Variants in LAMA5 observed in about 807,000 individuals in gnomAD.
LAMA5 encodes the protein laminin subunit alpha 5, also known as laminin subunit alpha-5.
Under a neutral mutation model 433.4 loss-of-function variants are expected in LAMA5, and 260 were observed. The observed-to-expected ratio is 0.60, with a 90% CI of 0.54 to 0.66. The LOEUF is 0.66. LAMA5 is among the 30% of genes least tolerant of loss of function. The pLI is 0.00. For missense variants in LAMA5, 5,378 were observed against 5,258.5 expected (o/e 1.02, Z -0.70); for synonymous variants, 2,620 against 2,226.6 (o/e 1.18, Z -4.97).
At chr20:62,340,292 A>G (rs140211244) in intron 11 of LAMA5, among the ~76,000 whole-genome samples, 143 of 148,694 alleles carry the variant, frequency 9.6e-4, no homozygotes, top group African/African-American at 3.3e-3. Context: ...AGCATAATGA[A>G]CAAGCCTCCT....
chr20:62,364,814 A>T (rs1360685580), intron 1 of LAMA5, among the ~76,000 whole-genome samples: 1 of 152,208 alleles, frequency 6.6e-6, no homozygotes, highest in Non-Finnish European at 1.5e-5. Context: ...TCTCCTACAG[A>T]GGGTCCCTGA....
In LAMA5 at chr20:62,338,085, G is replaced by T. The variant is rs749391731; in HGVS notation, c.1822C>A (p.Gln608Lys). ...GCDEAGRCLCQPEFAGPHCDR... is the reference protein window; with the variant it reads ...GCDEAGRCLCKPEFAGPHCDR... ...CAATGAGGTCCAGCAAACTCAGGCTGGCATAGGCAGCGGCCGGCCTCATCG... is the reference window on the plus strand; with the variant it reads ...CAATGAGGTCCAGCAAACTCAGGCTTGCATAGGCAGCGGCCGGCCTCATCG... Residue 608 changes from glutamine (Q) to lysine (K), a missense_variant, in exon 14 of 80, where the codon CAG becomes AAG. Gln to Lys is a moderately conservative substitution (Grantham distance 53). Coordinates refer to ENST00000252999, the MANE Select transcript of LAMA5 (RefSeq NM_005560.6). The T allele has an allele frequency of 3.1e-6, 5 of 1,604,536 alleles. No homozygotes were observed. Among genetic ancestry groups the T allele is most frequent in the Non-Finnish European group, 4.3e-6 (5 of 1,175,250 alleles).
chr20:62,361,062 G>A (rs903302093), intron 2 of LAMA5, among the ~76,000 whole-genome samples: 8 of 152,240 alleles, frequency 5.3e-5, no homozygotes, highest in African/African-American at 1.9e-4. Flanking sequence ...GAGGAGAGGC[G>A]GGAAGAACTC....
intron 34 of LAMA5, 61 bp downstream of exon 34, chr20:62,328,783 T>C (rs1979786154): frequency 6.6e-7 from 1 of 1,508,824 alleles, no homozygotes; most frequent in African/African-American, 1.4e-5. Context: ...GGTCGACCCG[T>C]CCACCTTGGG....
chr20:62,309,610 A>AG lies in LAMA5; in HGVS notation c.10948+105dup, dbSNP rs1433788640. 33 of 336,978 alleles carry AG rather than the reference A, an allele frequency of 9.8e-5. 2 individuals are homozygous for AG. In the Admixed American group the frequency reaches 1.3e-3, roughly 13 times the overall value. 20.9% of individuals were successfully genotyped at this position (336,978 alleles called of 1,614,324 possible). ...AGGAGGGTGGTAGGGGGGTGGGAGGAGGGTGGGAGGGGGCAGGGGGTGGAG... is the reference window on the plus strand; with the variant it reads ...AGGAGGGTGGTAGGGGGGTGGGAGGAGGGGTGGGAGGGGGCAGGGGGTGGAG... On this transcript the variant is annotated intron_variant, in intron 79 of 79. Transcript: ENST00000252999.
chr20:62,351,591 G>T (rs1020502056), intron 6 of LAMA5, 113 bp downstream of exon 6: 4 of 931,694 alleles, frequency 4.3e-6, no homozygotes, highest in South Asian at 1.4e-5. Context: ...GCAGGGTTGT[G>T]GTGGGCCATG....
chr20:62,366,277 G>A (rs1000174947), intron 1 of LAMA5, among the ~76,000 whole-genome samples: 2 of 152,198 alleles, frequency 1.3e-5, no homozygotes, highest in Non-Finnish European at 2.9e-5. Context: ...CCCGCCTACA[G>A]GTTTAAGGCT....
chr20:62,324,036 G>C lies in LAMA5; in HGVS notation c.5768+44C>G. On this transcript the variant is annotated intron_variant, in intron 43 of 79. Transcript: ENST00000252999. The surrounding 1 kb of genome is among the most constrained non-coding windows in gnomAD (Gnocchi z 4.4). Reference sequence around the variant, plus strand: ...CCCACCCCGCTGCTGGGTGAAGGGAGCCTGGCACCATCAGGGCCTCGTCCC... The same window carrying C: ...CCCACCCCGCTGCTGGGTGAAGGGACCCTGGCACCATCAGGGCCTCGTCCC... 6.8e-7 allele frequency: 1 copy of C among 1,473,952 alleles called. No homozygotes were observed. The highest frequency in any genetic ancestry group is 9.0e-7 in the Non-Finnish European group (1 of 1,113,760). 91.3% of individuals were successfully genotyped at this position (1,473,952 alleles called of 1,614,324 possible).
intron 2 of LAMA5, among the ~76,000 whole-genome samples, chr20:62,358,278 G>T (rs371633355): frequency 6.6e-6 from 1 of 152,148 alleles, no homozygotes; most frequent in African/African-American, 2.4e-5. Context: ...GGGTTTTGCC[G>T]TCTATCCTGT....
Position 62,312,755 on chromosome 20 carries a change from C to G in LAMA5, c.9104G>C (p.Ser3035Thr), listed in dbSNP as rs1986452791. ...CACACGCACCAGCACACGCTTGCGG[C>G]TGCCCCCCAGCAGGAACACCTGGAT... The part of the protein sequence containing the change: ...KAIQVFLLGG[S>T]RKRVLVRVER... Residue 3035 changes from serine to threonine, a missense_variant, in exon 67 of 80, where the codon AGC becomes ACC. Coordinates refer to ENST00000252999, the MANE Select transcript of LAMA5 (RefSeq NM_005560.6). The G allele has an allele frequency of 1.3e-6, 2 of 1,590,032 alleles. No homozygotes were observed. The highest frequency in any genetic ancestry group is 1.7e-6 in the Non-Finnish European group (2 of 1,170,194).
Position 62,334,197 on chromosome 20 carries a change from C to G in LAMA5, c.2728G>C (p.Ala910Pro), listed in dbSNP as rs767712282. 1.9e-6 allele frequency: 3 copies of G among 1,612,568 alleles called. No individual in the cohort carries two copies. Among genetic ancestry groups the G allele is most frequent in the Admixed American group, 3.3e-5 (2 of 60,000 alleles). The part of the protein sequence containing the change: ...NFSWRGYAQM[A>P]PVQPRIVARL... ...AGCACAGCGCCCACCTGGACAGGTGCCATCTGCGCGTAGCCCCTCCAGCTG... is the reference window on the plus strand; with the variant it reads ...AGCACAGCGCCCACCTGGACAGGTGGCATCTGCGCGTAGCCCCTCCAGCTG... The change falls in exon 22 of 80, where the codon GCA becomes CCA. Residue 910 changes from alanine to proline, a missense_variant. By Grantham distance (27) the Ala-to-Pro change is conservative. Transcript: ENST00000252999.
rs535206906 is a variant in LAMA5, at chr20:62,322,359, C to T, written c.6256G>A (p.Gly2086Arg). Residue 2086 changes from glycine to arginine, a missense_variant, in exon 47 of 80, where the codon GGA becomes AGA. Coordinates refer to ENST00000252999, the MANE Select transcript of LAMA5 (RefSeq NM_005560.6). ...AEGSECHPQS[G>R]QCHCRPGTMG... is the part of the protein sequence containing the mutation. ...GTCCCTGGTCGGCAGTGGCACTGTCCGCTCTGGGGGTGGCACTCGGAGCCC... is the reference window on the plus strand; with the variant it reads ...GTCCCTGGTCGGCAGTGGCACTGTCTGCTCTGGGGGTGGCACTCGGAGCCC... The T allele has an allele frequency of 3.7e-5, 59 of 1,593,346 alleles. 1 individual carries two copies. In the Middle Eastern group the frequency reaches 5.0e-4, roughly 13 times the overall value.
At position 62,334,539 on chromosome 20, in the gene LAMA5, C is replaced by G; in HGVS notation, c.2565G>C (p.Gln855His). ...TGVCRCRPNT[Q>H]GPTCSEPARD... ...GTACCCACTCGCTGCAGGTGGGGCC[C>G]TGGGTGTTGGGGCGGCACCGGCAGA... Residue 855 changes from glutamine (Q) to histidine (H), a missense_variant, in exon 21 of 80, where the codon CAG becomes CAC. Physicochemically the swap from Gln to His is conservative, Grantham distance 24. Transcript: ENST00000252999. The G allele has an allele frequency of 1.3e-6, 2 of 1,548,670 alleles. No homozygotes were observed. Among genetic ancestry groups the G allele is most frequent in the South Asian group, 2.4e-5 (2 of 84,006 alleles).
chr20:62,330,199 C>T (rs1980098118), intron 31 of LAMA5, among the ~76,000 whole-genome samples: 1 of 152,278 alleles, frequency 6.6e-6, no homozygotes, highest in Non-Finnish European at 1.5e-5. Flanking sequence ...CACACAGGGC[C>T]ACATGTGCTG....
intron 2 of LAMA5, among the ~76,000 whole-genome samples, chr20:62,360,634 A>ATGGGTGGGTGGAGGAATAGATGGG (rs1986008107): frequency 1.9e-4 from 1 of 5,302 alleles, no homozygotes; most frequent in Non-Finnish European, 4.5e-4. Context: ...GGAGGGATAG[A>ATGGGTGGGTGGAGGAATAGATGGG]TGGGTGGGTG....
Position 62,318,910 on chromosome 20 carries a change from C to A in LAMA5, c.6975G>T (p.Glu2325Asp). 6.2e-7 allele frequency: 1 copy of A among 1,604,642 alleles called. No homozygotes were observed. Among genetic ancestry groups the A allele is most frequent in the Non-Finnish European group, 8.5e-7 (1 of 1,177,750 alleles). Residue 2325 changes from glutamate (E) to aspartate (D), a missense_variant, in exon 52 of 80, where the codon GAG becomes GAT. Transcript: ENST00000252999. ...GGGCCCCCAGGTCCCGGGCCCGCAT[C>A]TCCCAGAGCAGCCGCTCCACCTCGG... ...TLAEVERLLWEMRARDLGAPQ... is the reference protein window; with the variant it reads ...TLAEVERLLWDMRARDLGAPQ...
At position 62,317,643 on chromosome 20, in the gene LAMA5, G is replaced by C. The variant is rs762280380; in HGVS notation, c.7356+19C>G. 4 of 1,542,084 alleles carry C rather than the reference G, an allele frequency of 2.6e-6. No individual in the cohort carries two copies. In the South Asian group the frequency reaches 4.8e-5, roughly 19 times the overall value. ...TGGCCGTGGATGGGGTGGCGACAGG[G>C]GCCAGGGGCTGCACTCACCTCCTTA... On this transcript the variant is annotated intron_variant, in intron 54 of 79. Transcript: ENST00000252999.
chr20:62,338,274 C>A lies in LAMA5; in HGVS notation c.1714G>T (p.Asp572Tyr). Reference sequence around the variant, plus strand: ...TGAAAGTAGCCGGGGGCACAGCGATCACATGTGGCCCCCTCGAAGCCCACT... The same window carrying A: ...TGAAAGTAGCCGGGGGCACAGCGATAACATGTGGCCCCCTCGAAGCCCACT... ...CRVGFEGATCDRCAPGYFHFP... is the reference protein window; with the variant it reads ...CRVGFEGATCYRCAPGYFHFP... Residue 572 changes from aspartate to tyrosine, a missense_variant, in exon 13 of 80, where the codon GAT becomes TAT. Asp to Tyr is a radical substitution (Grantham distance 160). Transcript: ENST00000252999. 6.2e-7 allele frequency: 1 copy of A among 1,601,446 alleles called. No homozygotes were observed. The highest frequency in any genetic ancestry group is 8.5e-7 in the Non-Finnish European group (1 of 1,173,758).
intron 79 of LAMA5, 32 bp from the exon 80 acceptor site, chr20:62,309,507 G>C (rs747758495): frequency 2.6e-6 from 4 of 1,537,174 alleles, no homozygotes; most frequent in Admixed American, 1.9e-5. Flanking sequence ...AAGAAGGCTG[G>C]TTGGTGGGCA....
Sources: gnomAD v4.1 joint callset for allele counts (sites outside exome capture counted in the v4.1 genomes callset) on GRCh38, gnomAD v4.1.1 for gene constraint, Gnocchi (gnomAD v3.1) non-coding constraint, MANE v1.5 for transcripts, NCBI Gene and HGNC (gene_info 2026-07-23, HGNC 2026-07-21) for gene names.